SEPTIN2: variants seen among roughly 807,000 people sequenced by gnomAD.
SEPTIN2 encodes the protein septin-2.
SEPTIN2 carries 34 observed loss-of-function variants against 46.5 expected under a neutral mutation model. That is an observed-to-expected ratio of 0.73 (90% CI 0.56 to 0.97). The LOEUF (loss-of-function observed/expected upper bound fraction) is 0.97. SEPTIN2 is among the 50% of genes least tolerant of loss of function. SEPTIN2 has a pLI of 0.00. For missense variants in SEPTIN2, 347 were observed against 448.4 expected (o/e 0.77, Z 2.04); for synonymous variants, 175 against 153.4 (o/e 1.14, Z -1.04).
intron 7 of SEPTIN2, among the ~76,000 whole-genome samples, chr2:241,342,099 G>C (rs1169851627): frequency 6.6e-6 from 1 of 152,176 alleles, no homozygotes; most frequent in Non-Finnish European, 1.5e-5. Flanking sequence ...CTAGCCTGGT[G>C]TTGATGGAAC....
rs933092128 is a variant in SEPTIN2 at position 241,353,516 on chromosome 2, A to G, written c.*1579A>G. 2.0e-5 allele frequency: 3 copies of G among 152,224 alleles called. No homozygotes were observed. Among genetic ancestry groups the G allele is most frequent in the African/African-American group, 7.2e-5 (3 of 41,450 alleles). 9.4% of individuals were successfully genotyped at this position (152,224 alleles called of 1,614,324 possible). Reference sequence around the variant, plus strand: ...CATAAAATGAGGCAGTTAAATAATAATAGTTAATGAAGGTGTGCTACAGAA... The same window carrying G: ...CATAAAATGAGGCAGTTAAATAATAGTAGTTAATGAAGGTGTGCTACAGAA... On this transcript the variant is annotated 3_prime_UTR_variant, in exon 13 of 13. Coordinates refer to ENST00000391971, the MANE Select transcript of SEPTIN2 (RefSeq NM_004404.5).
chr2:241,343,870 A>C lies in SEPTIN2; in HGVS notation c.815A>C (p.Asp272Ala). 1 of 1,614,146 alleles carries C rather than the reference A, an allele frequency of 6.2e-7. No individual in the cohort carries two copies. Among genetic ancestry groups the C allele is most frequent in the Non-Finnish European group, 8.5e-7 (1 of 1,180,002 alleles). ...GAAGTGGAGAACCCAGAGCACAATG[A>C]CTTTCTGAAGCTGAGAACCATGCTC... The part of the protein sequence containing the change: ...VVEVENPEHN[D>A]FLKLRTMLIT... The change falls in exon 9 of 13, where the codon GAC (aspartate) becomes GCC (alanine). Residue 272 changes from aspartate to alanine, a missense_variant. Transcript: ENST00000391971.
rs765458233 is a variant in SEPTIN2 at position 241,346,146 on chromosome 2, G to T, written c.843-20G>T. 18 of 1,599,086 alleles carry T rather than the reference G, an allele frequency of 1.1e-5. No homozygotes were observed. The highest frequency in any genetic ancestry group is 1.5e-5 in the Non-Finnish European group (17 of 1,166,986). ...GTCATGTGCATGATGCCACCTTGGT[G>T]CATTCCTCTTCTCTTTCAGCACCCA... On this transcript the variant is annotated intron_variant, in intron 9 of 12. Transcript: ENST00000391971.
At chr2:241,322,796 G>C (rs147600291) in intron 1 of SEPTIN2, among the ~76,000 whole-genome samples, 1 of 152,036 alleles carries the variant, frequency 6.6e-6, no homozygotes, top group Non-Finnish European at 1.5e-5. Context: ...TGGCAAACAT[G>C]TTCAAGTTAC....
intron 8 of SEPTIN2, 122 bp from the exon 9 acceptor site, chr2:241,343,628 CAG>C: frequency 9.6e-7 from 1 of 1,043,308 alleles, no homozygotes; most frequent in African/African-American, 1.6e-5. Context: ...TACATACCCC[CAG>C]CTTTCCAATT....
rs1177447589 is a variant in SEPTIN2 at position 241,338,875 on chromosome 2, A to G, written c.594+1085A>G. On this transcript the variant is annotated intron_variant, in intron 7 of 12. Coordinates refer to ENST00000391971, the MANE Select transcript of SEPTIN2 (RefSeq NM_004404.5). ...ATATATATAAAAATATATATATTTA[A>G]TATATCTATAATATATATTATATAT... Among the ~76,000 whole-genome samples the G allele has an allele frequency of 1.0e-4, 6 of 59,930 alleles. No individual in the cohort carries two copies. The East Asian group carries it at 1.7e-3, about 17-fold the overall frequency. The allele number at this position is 59,930 out of a possible 152,430, so 39.3% of individuals were successfully genotyped here. A position where few individuals can be genotyped will look rare whatever the true frequency, so the allele number is the denominator to read the frequency against.
intron 2 of SEPTIN2, chr2:241,325,137 C>A (rs2077736770): frequency 6.6e-6 from 1 of 151,828 alleles, no homozygotes; most frequent in African/African-American, 2.4e-5. Context: ...TACATATATT[C>A]TTTTTCACCT....
intron 1 of SEPTIN2, 102 bp downstream of exon 1, chr2:241,316,084 C>A: frequency 6.2e-6 from 1 of 162,454 alleles, no homozygotes; most frequent in Non-Finnish European, 1.3e-5. Flanking sequence ...CGGTGGTCGG[C>A]TGGCTCTGGG....
At chr2:241,326,375 T>C (rs918754623) in intron 3 of SEPTIN2, among the ~76,000 whole-genome samples, 1 of 152,276 alleles carries the variant, frequency 6.6e-6, no homozygotes, top group African/African-American at 2.4e-5. Flanking sequence ...GTGATTCTTA[T>C]CTCCTGGTAT....
At chr2:241,324,290 G>C (rs753933882) in intron 2 of SEPTIN2, 49 bp downstream of exon 2, 3 of 1,492,766 alleles carry the variant, frequency 2.0e-6, no homozygotes, top group African/African-American at 1.4e-5. Flanking sequence ...ATTGCTTTAT[G>C]TTTTCAGACT....
At chr2:241,316,462 G>A (rs1026453703) in intron 1 of SEPTIN2, 38 of 1,511,914 alleles carry the variant, frequency 2.5e-5, no homozygotes, top group Admixed American at 6.3e-5. Flanking sequence ...CAAGCCCATC[G>A]GCTGGATGCC....
chr2:241,324,483 G>A (rs762272259), intron 2 of SEPTIN2: 9 of 485,878 alleles, frequency 1.9e-5, no homozygotes, highest in East Asian at 8.4e-5. Flanking sequence ...TGCCTCCCAC[G>A]TTCAAGCGAT....
chr2:241,318,898 A>C (rs1261326445), intron 1 of SEPTIN2, among the ~76,000 whole-genome samples: 1 of 151,948 alleles, frequency 6.6e-6, no homozygotes, highest in African/African-American at 2.4e-5. Flanking sequence ...GGGTTTCACC[A>C]TGTTGGCCAG....
chr2:241,322,381 G>A (rs532401263), intron 1 of SEPTIN2, among the ~76,000 whole-genome samples: 3 of 152,056 alleles, frequency 2.0e-5, no homozygotes, highest in Admixed American at 6.5e-5. Flanking sequence ...TGAGGCGGGC[G>A]GGTCATGAGG....
At chr2:241,338,364 C>G (rs2080383814) in intron 7 of SEPTIN2, among the ~76,000 whole-genome samples, 1 of 151,634 alleles carries the variant, frequency 6.6e-6, no homozygotes, top group Non-Finnish European at 1.5e-5. Flanking sequence ...TAAGAAAGTC[C>G]AAATAGTTTA....
chr2:241,344,046 C>T, intron 9 of SEPTIN2, 149 bp downstream of exon 9: 1 of 998,836 alleles, frequency 1.0e-6, no homozygotes, highest in Non-Finnish European at 1.5e-6. Context: ...TGGTGTGGGG[C>T]TGTTGCAGAT....
chr2:241,331,201 CACAA>C (rs989203324), intron 3 of SEPTIN2, among the ~76,000 whole-genome samples: 17 of 152,238 alleles, frequency 1.1e-4, no homozygotes, highest in African/African-American at 3.8e-4. Flanking sequence ...AGAAAAAAAT[CACAA>C]ACAAGAGTAT....
chr2:241,341,124 C>T (rs2081205814), intron 7 of SEPTIN2, among the ~76,000 whole-genome samples: 1 of 152,320 alleles, frequency 6.6e-6, no homozygotes, highest in South Asian at 2.1e-4. Context: ...TACCACCTTC[C>T]TTCCTGATCC....
At chr2:241,342,538 T>C in intron 7 of SEPTIN2, among the ~76,000 whole-genome samples, 1 of 137,390 alleles carries the variant, frequency 7.3e-6, no homozygotes, top group South Asian at 2.5e-4. Context: ...TTGTAAATTT[T>C]TTTTTTTTTT....
Sources: allele counts gnomAD v4.1 joint callset (sites outside exome capture counted in the v4.1 genomes callset), GRCh38; gene constraint gnomAD v4.1.1; transcripts MANE v1.5; gene names NCBI Gene and HGNC (gene_info 2026-07-23, HGNC 2026-07-21).